Variants in RGR observed in about 807,000 individuals in gnomAD.
RGR encodes the protein RPE-retinal G protein-coupled receptor.
Under a neutral mutation model 28.6 loss-of-function variants are expected in RGR, and 30 were observed. The ratio of observed to expected loss-of-function variants is 1.05; its 90% CI spans 0.78 to 1.42. RGR has a LOEUF of 1.42. Ranked by LOEUF, RGR falls within the 40% of genes most tolerant of loss-of-function variation. RGR has a pLI of 0.00. For synonymous variants in RGR, 180 were observed against 156.4 expected, an observed-to-expected ratio of 1.15 and a Z score of -1.13; for missense variants, 404 against 375.6, an observed-to-expected ratio of 1.08 and a Z score of -0.62.
chr10:84,247,951 C>CTGA (rs1402541492), intron 2 of RGR: 1 of 775,936 alleles, frequency 1.3e-6, no homozygotes, highest in African/African-American at 1.7e-5. Flanking sequence ...TTGCTGAAAC[C>CTGA]TGATGAAAGA....
At chr10:84,247,015 C>T (rs1346955524) in intron 1 of RGR, among the ~76,000 whole-genome samples, 2 of 152,148 alleles carry the variant, frequency 1.3e-5, no homozygotes, top group African/African-American at 4.8e-5. Context: ...TTTCCTGTTC[C>T]TCACTTTAGA....
Position 84,258,673 on chromosome 10 carries a change from G to A in RGR, c.*34G>A, listed in dbSNP as rs1217257729. ...CCCTGGAGTGAGCCCCAGGCCAGGA[G>A]GCTGTTCCAGGAGTCCTGCCCAGCA... On this transcript the variant is annotated 3_prime_UTR_variant, in exon 7 of 7. Transcript: ENST00000652092. The A allele has an allele frequency of 4.3e-6, 7 of 1,613,282 alleles. No individual in the cohort carries two copies. The highest frequency in any genetic ancestry group is 4.0e-5 in the African/African-American group (3 of 74,906).
At position 84,254,387 on chromosome 10, in the gene RGR, A is replaced by G. The variant is rs1197432386; in HGVS notation, c.574A>G (p.Thr192Ala). 2 of 1,613,968 alleles carry G rather than the reference A, an allele frequency of 1.2e-6. No homozygotes were observed. The highest frequency in any genetic ancestry group is 1.7e-6 in the Non-Finnish European group (2 of 1,180,040). Reference sequence around the variant, plus strand: ...CAACTTCGCCATGCCCCTCTTCATCACGATCACTTCCTACAGTCTCATGGA... The same window carrying G: ...CAACTTCGCCATGCCCCTCTTCATCGCGATCACTTCCTACAGTCTCATGGA... ...FFNFAMPLFI[T>A]ITSYSLMEQK... The change falls in exon 5 of 7, where the codon ACG becomes GCG. Residue 192 changes from threonine (T) to alanine (A), a missense_variant. Physicochemically the swap from Thr to Ala is moderately conservative, Grantham distance 58. Transcript: ENST00000652092.
chr10:84,247,803 C>T, intron 2 of RGR, 56 bp downstream of exon 2: 6 of 1,612,372 alleles, frequency 3.7e-6, no homozygotes, highest in Non-Finnish European at 5.1e-6. Flanking sequence ...GGCCTGACCC[C>T]TGGGCCCTGG....
intron 1 of RGR, among the ~76,000 whole-genome samples, chr10:84,246,418 T>G (rs945902157): frequency 6.6e-6 from 1 of 152,252 alleles, no homozygotes; most frequent in East Asian, 1.9e-4. Context: ...GAGTCCATTG[T>G]GTCCTCTGAA....
At chr10:84,252,627 G>C (rs1398662026) in intron 3 of RGR, among the ~76,000 whole-genome samples, 1 of 152,156 alleles carries the variant, frequency 6.6e-6, no homozygotes, top group Non-Finnish European at 1.5e-5. Context: ...TTGGTGAGTT[G>C]CTTAGTTAAC....
In RGR at chr10:84,259,261, T is replaced by TTA. The variant is rs1041598246; in HGVS notation, c.*630_*631dup. 1 of 156,416 alleles carries TTA rather than the reference T, an allele frequency of 6.4e-6. No individual in the cohort carries two copies. Among genetic ancestry groups the TTA allele is most frequent in the Non-Finnish European group, 1.4e-5 (1 of 70,404 alleles). The allele number at this position is 156,416 out of a possible 1,614,324, so 9.7% of individuals were successfully genotyped here. A position where few individuals can be genotyped will look rare whatever the true frequency, so the allele number is the denominator to read the frequency against. On this transcript the variant is annotated 3_prime_UTR_variant, in exon 7 of 7. Coordinates refer to ENST00000652092, the MANE Select transcript of RGR (RefSeq NM_001012720.2). ...TCCATTCCATATACATATATAAACG[T>TTA]TATATATATGTAACGTTTTCTTTAT...
In RGR at chr10:84,254,421, T is replaced by C; in HGVS notation, c.608T>C (p.Leu203Pro). The change falls in exon 5 of 7, where the codon CTG becomes CCG. Residue 203 changes from leucine (L) to proline (P), a missense_variant. Physicochemically the swap from Leu to Pro is moderately conservative, Grantham distance 98. Coordinates refer to ENST00000652092, the MANE Select transcript of RGR (RefSeq NM_001012720.2). ...ITSYSLMEQK[L>P]GKSGHLQVNT... Reference sequence around the variant, plus strand: ...TCCTACAGTCTCATGGAGCAGAAACTGGGGAAGAGTGGCCATCTCCAGGTA... The same window carrying C: ...TCCTACAGTCTCATGGAGCAGAAACCGGGGAAGAGTGGCCATCTCCAGGTA... The C allele has an allele frequency of 6.2e-7, 1 of 1,614,136 alleles. No homozygotes were observed. The highest frequency in any genetic ancestry group is 8.5e-7 in the Non-Finnish European group (1 of 1,179,994).
chr10:84,253,489 A>C (rs569016977), intron 4 of RGR, among the ~76,000 whole-genome samples: 1 of 152,154 alleles, frequency 6.6e-6, no homozygotes, highest in Non-Finnish European at 1.5e-5. Context: ...AGAATGCATG[A>C]GGGTCCCCAC....
Position 84,257,399 on chromosome 10 carries a change from C to G in RGR, c.631-494C>G, listed in dbSNP as rs372499481. 2.7e-4 allele frequency among the ~76,000 whole-genome samples: 41 copies of G among 152,302 alleles called. 1 individual carries two copies. In the East Asian group the frequency reaches 6.8e-3, roughly 25 times the overall value. ...GCCTGAGGGCAGCTCAGCCTGGGGC[C>G]CCTTGAGCACGCAGTCACAGAGCCC... is the stretch of plus-strand genomic sequence containing the variant. On this transcript the variant is annotated intron_variant, in intron 5 of 6. Transcript: ENST00000652092.
intron 5 of RGR, among the ~76,000 whole-genome samples, chr10:84,255,723 T>C (rs1396839127): frequency 3.6e-4 from 28 of 78,346 alleles, no homozygotes; most frequent in African/African-American, 2.6e-3. Context: ...TCTTTCTTTT[T>C]TTTTTTTTTT....
At position 84,247,703 on chromosome 10, in the gene RGR, G is replaced by A. The variant is rs551506238; in HGVS notation, c.192G>A (p.Gly64=). 23 of 1,614,148 alleles carry A rather than the reference G, an allele frequency of 1.4e-5. No homozygotes were observed. The highest frequency in any genetic ancestry group is 3.3e-4 in the Middle Eastern group (2 of 6,062). ...TGAGCTTGGCTCTTGCGGACAGTGG[G>A]ATCAGCCTGAATGCCCTCGTTGCAG... ...LVLSLALADS[G]ISLNALVAAT... The change falls in exon 2 of 7, where the codon GGG becomes GGA. Residue 64 remains glycine, a synonymous_variant. Coordinates refer to ENST00000652092, the MANE Select transcript of RGR (RefSeq NM_001012720.2).
At chr10:84,246,644 T>A (rs1442312143) in intron 1 of RGR, among the ~76,000 whole-genome samples, 2 of 152,252 alleles carry the variant, frequency 1.3e-5, no homozygotes, top group Admixed American at 6.5e-5. Context: ...GGCACTTACA[T>A]TGATTTCGTA....
At chr10:84,258,466 G>A in intron 6 of RGR, 42 bp from the exon 7 acceptor site, 2 of 1,614,040 alleles carry the variant, frequency 1.2e-6, no homozygotes, top group Non-Finnish European at 1.7e-6. Context: ...GAGAGGATCA[G>A]TGGCTTTGAA....
Position 84,259,834 on chromosome 10 carries a change from T to C in RGR, c.*1195T>C, listed in dbSNP as rs1421240525. ...CTGGATAATATATAATAGTCTTATA[T>C]ATTCTGGATATATTCTGGATACATG... On this transcript the variant is annotated 3_prime_UTR_variant, in exon 7 of 7. Coordinates refer to ENST00000652092, the MANE Select transcript of RGR (RefSeq NM_001012720.2). 1 of 152,170 alleles carries C rather than the reference T, an allele frequency of 6.6e-6. No homozygotes were observed. Among genetic ancestry groups the C allele is most frequent in the Non-Finnish European group, 1.5e-5 (1 of 68,026 alleles). The allele number at this position is 152,170 out of a possible 1,614,324, so 9.4% of individuals were successfully genotyped here.
intron 2 of RGR, 35 bp from the exon 3 acceptor site, chr10:84,248,887 G>C (rs1179065325): frequency 6.2e-7 from 1 of 1,614,222 alleles, no homozygotes; most frequent in Non-Finnish European, 8.5e-7. Context: ...GAAAGGATCG[G>C]AGGAGAGGTC....
At chr10:84,245,251 G>T in intron 1 of RGR, 82 bp downstream of exon 1, 1 of 1,436,522 alleles carries the variant, frequency 7.0e-7, no homozygotes. Context: ...CTGGCAAGGA[G>T]AGGAGAGGTC....
rs965846257 is a variant in RGR at position 84,258,835 on chromosome 10, C to A, written c.*196C>A. On this transcript the variant is annotated 3_prime_UTR_variant, in exon 7 of 7. Coordinates refer to ENST00000652092, the MANE Select transcript of RGR (RefSeq NM_001012720.2). ...AGATGGACCTGAGTGTCGGTCACAG[C>A]CCCCTACACTCAAGGCTGAGAGGCC... 1.4e-6 allele frequency: 1 copy of A among 700,460 alleles called. No homozygotes were observed. Among genetic ancestry groups the A allele is most frequent in the Non-Finnish European group, 2.4e-6 (1 of 414,594 alleles). 43.4% of individuals were successfully genotyped at this position (700,460 alleles called of 1,614,324 possible). A position where few individuals can be genotyped will look rare whatever the true frequency, so the allele number is the denominator to read the frequency against.
chr10:84,259,126 G>T lies in RGR; in HGVS notation c.*487G>T. 1 of 171,622 alleles carries T rather than the reference G, an allele frequency of 5.8e-6. No individual in the cohort carries two copies. The highest frequency in any genetic ancestry group is 1.5e-4 in the East Asian group (1 of 6,670). 10.6% of individuals were successfully genotyped at this position (171,622 alleles called of 1,614,324 possible). On this transcript the variant is annotated 3_prime_UTR_variant, in exon 7 of 7. Transcript: ENST00000652092. ...CTCCCACTTACAAGTGAGAACATGT[G>T]GTATTTGACTTTCTGTTTTTGAGTT...
Sources: allele counts gnomAD v4.1 joint callset (sites outside exome capture counted in the v4.1 genomes callset), GRCh38; gene constraint gnomAD v4.1.1; transcripts MANE v1.5; gene names NCBI Gene and HGNC (gene_info 2026-07-23, HGNC 2026-07-21).